The following ADAD1 variants were observed in gnomAD, a reference collection of about 807,000 sequenced individuals.
ADAD1 encodes adenosine deaminase domain containing 1.
In ADAD1, 46 loss-of-function variants were observed where a neutral mutation model predicts 66.8. The observed-to-expected ratio is 0.69, with a 90% CI of 0.54 to 0.88. The LOEUF (loss-of-function observed/expected upper bound fraction) is 0.88, where lower values mean the gene tolerates loss of function less well. ADAD1 is among the 40% of genes least tolerant of loss of function. The pLI is 0.00. For missense variants in ADAD1, 617 were observed against 681.8 expected (o/e 0.91, Z 1.06); for synonymous variants, 248 against 229.4 (o/e 1.08, Z -0.73).
intron 8 of ADAD1, among the ~76,000 whole-genome samples, chr4:122,409,485 A>T (rs981226531): frequency 5.9e-5 from 9 of 152,182 alleles, no homozygotes; most frequent in Non-Finnish European, 1.3e-4. Flanking sequence ...ACTTTAGGGT[A>T]AATGGAGTAT....
At chr4:122,415,820 A>G (rs761769595) in intron 11 of ADAD1, among the ~76,000 whole-genome samples, 2 of 152,118 alleles carry the variant, frequency 1.3e-5, no homozygotes, top group Admixed American at 6.5e-5. Context: ...ATGAGAAGAC[A>G]GATGTGGAGA....
intron 12 of ADAD1, among the ~76,000 whole-genome samples, chr4:122,428,979 A>G (rs1797386229): frequency 6.6e-6 from 1 of 152,120 alleles, no homozygotes; most frequent in Non-Finnish European, 1.5e-5. Context: ...ATTCGCCAAA[A>G]TATTAATGGT....
chr4:122,379,883 G>A (rs545017369), intron 2 of ADAD1, among the ~76,000 whole-genome samples, 179 bp from the exon 3 acceptor site: 14 of 152,144 alleles, frequency 9.2e-5, no homozygotes, highest in African/African-American at 3.4e-4. Context: ...GAAGAGGTCC[G>A]TGTCTATGAA....
intron 6 of ADAD1, 27 bp from the exon 7 acceptor site, chr4:122,396,225 G>C (rs1182154527): frequency 6.5e-7 from 1 of 1,544,828 alleles, no homozygotes; most frequent in African/African-American, 1.4e-5. Context: ...CAATGTTCTT[G>C]AAATTTATGT....
chr4:122,390,762 T>C (rs1190891491), intron 5 of ADAD1, among the ~76,000 whole-genome samples: 2 of 152,226 alleles, frequency 1.3e-5, no homozygotes. Context: ...TCTATCCTTT[T>C]ACCAAGGTTC....
At chr4:122,395,764 T>C (rs1177597398) in intron 6 of ADAD1, among the ~76,000 whole-genome samples, 1 of 152,226 alleles carries the variant, frequency 6.6e-6, no homozygotes, top group Non-Finnish European at 1.5e-5. Context: ...CCTCCTCCTC[T>C]TTCAAAATTT....
At position 122,396,320 on chromosome 4, in the gene ADAD1, A is replaced by G; in HGVS notation, c.667A>G (p.Asn223Asp). 3 of 1,605,046 alleles carry G rather than the reference A, an allele frequency of 1.9e-6. No individual in the cohort carries two copies. The South Asian group carries it at 3.4e-5, about 18-fold the overall frequency. ...AGAAAGATTTAATCAACTAATTTCT[A>G]ATCGTTCAGAATACCTGAAATATAG... ...VKERFNQLIS[N>D]RSEYLKYSSS... Residue 223 changes from asparagine to aspartate, a missense_variant, in exon 7 of 13, where the codon AAT becomes GAT. Physicochemically the swap from Asn to Asp is conservative, Grantham distance 23. Coordinates refer to ENST00000296513, the MANE Select transcript of ADAD1 (RefSeq NM_139243.4).
At chr4:122,427,029 A>T (rs1292534332) in intron 12 of ADAD1, among the ~76,000 whole-genome samples, 1 of 152,234 alleles carries the variant, frequency 6.6e-6, no homozygotes, top group Non-Finnish European at 1.5e-5. Context: ...AGGTACCTAT[A>T]CTGTAAAGGA....
intron 11 of ADAD1, among the ~76,000 whole-genome samples, chr4:122,417,337 T>TAA (rs78147212): frequency 6.9e-4 from 65 of 94,056 alleles, no homozygotes; most frequent in African/African-American, 2.3e-3. Flanking sequence ...CCTCCATCTT[T>TAA]AAAAAAAAAA....
At position 122,379,030 on chromosome 4, in the gene ADAD1, T is replaced by G. The variant is rs1794738295; in HGVS notation, c.-168T>G. 6.6e-6 allele frequency: 1 copy of G among 152,314 alleles called. No homozygotes were observed. The highest frequency in any genetic ancestry group is 6.5e-5 in the Admixed American group (1 of 15,276). The allele number at this position is 152,314 out of a possible 1,614,324, so 9.4% of individuals were successfully genotyped here. ...TTTTCTGTAAACAGGAAGGCCACAG[T>G]GGAGGCCAAGCCTTCCCCATGGGCA... On this transcript the variant is annotated 5_prime_UTR_variant, in exon 1 of 13. Coordinates refer to ENST00000296513, the MANE Select transcript of ADAD1 (RefSeq NM_139243.4).
intron 9 of ADAD1, among the ~76,000 whole-genome samples, chr4:122,411,791 A>G (rs1218526712): frequency 6.6e-6 from 1 of 152,218 alleles, no homozygotes; most frequent in African/African-American, 2.4e-5. Flanking sequence ...CAAGCATTTT[A>G]GATAAGCAAC....
Position 122,402,462 on chromosome 4 carries a change from A to T in ADAD1, c.725-5446A>T, listed in dbSNP as rs115375765. ...CATCTTGACTTTAGATAGCCTGATGACTTTGTGCCTGGGTGATGATCTTTT... is the reference window on the plus strand; with the variant it reads ...CATCTTGACTTTAGATAGCCTGATGTCTTTGTGCCTGGGTGATGATCTTTT... On this transcript the variant is annotated intron_variant, in intron 7 of 12. Transcript: ENST00000296513. Among the ~76,000 whole-genome samples the T allele has an allele frequency of 3.0e-3, 462 of 152,140 alleles. 2 individuals carry two copies. Among genetic ancestry groups the T allele is most frequent in the African/African-American group, 0.011 (449 of 41,516 alleles).
chr4:122,429,269 CA>C (rs895391631), intron 12 of ADAD1, among the ~76,000 whole-genome samples: 1 of 151,262 alleles, frequency 6.6e-6, no homozygotes, highest in African/African-American at 2.4e-5. Flanking sequence ...CTTGCCTCTG[CA>C]AAAAATAAAA....
intron 4 of ADAD1, among the ~76,000 whole-genome samples, chr4:122,383,537 G>A (rs573249721): frequency 2.0e-5 from 3 of 152,226 alleles, no homozygotes; most frequent in South Asian, 2.1e-4. Flanking sequence ...GTTACTCCAC[G>A]TGTGATCAGT....
chr4:122,395,576 G>A lies in ADAD1; in HGVS notation c.599-676G>A, dbSNP rs113763998. Among the ~76,000 whole-genome samples the A allele has an allele frequency of 4.3e-3, 658 of 151,832 alleles. 5 individuals carry two copies. The highest frequency in any genetic ancestry group is 0.015 in the African/African-American group (620 of 41,432). ...CACGCTTGTAGTCCCAACTACTTGG[G>A]AGGCTGAGACAGAAGAATCGCTTGA... On this transcript the variant is annotated intron_variant, in intron 6 of 12. Transcript: ENST00000296513.
chr4:122,396,502 TG>T, intron 7 of ADAD1, 125 bp downstream of exon 7: 1 of 756,084 alleles, frequency 1.3e-6, no homozygotes, highest in Non-Finnish European at 1.9e-6. Flanking sequence ...CTAGTAAGTG[TG>T]GGTCATTAAA....
intron 9 of ADAD1, 74 bp downstream of exon 9, chr4:122,411,466 T>G (rs1796464056): frequency 1.4e-6 from 2 of 1,391,180 alleles, no homozygotes; most frequent in African/African-American, 1.5e-5. Flanking sequence ...CTACAGCAAA[T>G]AGAACATATA....
chr4:122,381,981 A>G (rs1794916974), intron 4 of ADAD1, among the ~76,000 whole-genome samples: 1 of 152,240 alleles, frequency 6.6e-6, no homozygotes, highest in African/African-American at 2.4e-5. Flanking sequence ...AGATTTTAGT[A>G]AAGATAGTTA....
intron 5 of ADAD1, among the ~76,000 whole-genome samples, chr4:122,385,616 A>G (rs1261409160): frequency 6.6e-6 from 1 of 152,154 alleles, no homozygotes; most frequent in Admixed American, 6.5e-5. Context: ...TGTGCAGAAC[A>G]TGCCAGTTTG....
Sources: allele counts gnomAD v4.1 joint callset (sites outside exome capture counted in the v4.1 genomes callset), GRCh38; gene constraint gnomAD v4.1.1; transcripts MANE v1.5; gene names NCBI Gene and HGNC (gene_info 2026-07-23, HGNC 2026-07-21).